The following ERCC1 variants were observed in gnomAD, a reference collection of about 807,000 sequenced individuals.
ERCC1 encodes DNA excision repair protein ERCC-1.
A neutral mutation model predicts 37.6 loss-of-function variants in ERCC1; 36 were observed. The ratio of observed to expected loss-of-function variants is 0.96; its 90% CI spans 0.73 to 1.26. The LOEUF (loss-of-function observed/expected upper bound fraction) is 1.26, where lower values mean the gene tolerates loss of function less well. ERCC1 is among the 50% of genes most tolerant of loss of function. The pLI, the probability that ERCC1 is intolerant of heterozygous loss-of-function variation, is 0.00. For missense variants in ERCC1, 349 were observed against 376.5 expected (o/e 0.93, Z 0.60); for synonymous variants, 156 against 162.1 (o/e 0.96, Z 0.28).
chr19:45,447,611 T>C (rs946654071), intron 1 of ERCC1, among the ~76,000 whole-genome samples: 1 of 152,010 alleles, frequency 6.6e-6, no homozygotes, highest in South Asian at 2.1e-4. Context: ...TCTGTTTTCT[T>C]TTCTTGTCTC....
intron 1 of ERCC1, among the ~76,000 whole-genome samples, chr19:45,441,088 C>T (rs1347392069): frequency 6.6e-6 from 1 of 152,194 alleles, no homozygotes; most frequent in Non-Finnish European, 1.5e-5. Context: ...TTGGACACAA[C>T]AGCTCCAGGC....
At chr19:45,426,204 C>A (rs1396834761), upstream of ERCC1, among the ~76,000 whole-genome samples, 1 of 151,930 alleles carries the variant, frequency 6.6e-6, no homozygotes, top group Non-Finnish European at 1.5e-5. Context: ...TATGGTGAAA[C>A]CCCGTCTTTA....
rs368905711 is a variant in ERCC1 at position 45,409,326 on chromosome 19, C to G, written c.*349G>C. 3 of 1,614,000 alleles carry G rather than the reference C, an allele frequency of 1.9e-6. No homozygotes were observed. The highest frequency in any genetic ancestry group is 2.5e-6 in the Non-Finnish European group (3 of 1,179,996). On this transcript the variant is annotated 3_prime_UTR_variant, in exon 10 of 10. Coordinates refer to ENST00000300853, the MANE Select transcript of ERCC1 (RefSeq NM_001983.4). ...CTGCCAGGGGAGGGACAGCCTGAAG[C>G]CAGGGCAACTCCGGGATCCACCAAG...
At chr19:45,432,528 A>G (rs1372638296) in intron 1 of ERCC1, among the ~76,000 whole-genome samples, 2 of 151,270 alleles carry the variant, frequency 1.3e-5, no homozygotes, top group Non-Finnish European at 1.5e-5. Flanking sequence ...ATCAACAAAA[A>G]CTCTTTGGGG....
intron 4 of ERCC1, among the ~76,000 whole-genome samples, chr19:45,419,736 C>G (rs1429913059): frequency 1.3e-5 from 2 of 152,166 alleles, no homozygotes; most frequent in Non-Finnish European, 2.9e-5. Flanking sequence ...AGTTGTTTAA[C>G]TAGGGTAGAG....
chr19:45,420,678 C>T lies in ERCC1; in HGVS notation c.322-251G>A, dbSNP rs1397717626. Among the ~76,000 whole-genome samples the T allele has an allele frequency of 6.6e-6, 1 of 152,162 alleles. No homozygotes were observed. Among genetic ancestry groups the T allele is most frequent in the Non-Finnish European group, 1.5e-5 (1 of 68,024 alleles). ...CTCCTCCCCTCCATGCCCACTGGCA[C>T]CAGGCCTTTCCTAAAGGGTCCCCGG... On this transcript the variant is annotated intron_variant, in intron 3 of 9. Transcript: ENST00000300853. The surrounding 1 kb of genome is among the most constrained non-coding windows in gnomAD (Gnocchi z 4.8).
rs769714704 is a variant in ERCC1, at chr19:45,414,862, C to A, written c.701G>T (p.Arg234Leu). The part of the protein sequence containing the change: ...MEKLEQDFVS[R>L]VTECLTTVKS... ...GGATGGGAGGTGAGGTGGCCTCACC[C>A]GGGAGACGAAGTCCTGCTCTAGCTT... The change falls in exon 7 of 10, where the codon CGG (arginine) becomes CTG (leucine). Residue 234 changes from arginine (R) to leucine (L), a missense_variant and splice_region_variant. Coordinates refer to ENST00000300853, the MANE Select transcript of ERCC1 (RefSeq NM_001983.4). 1 of 1,610,980 alleles carries A rather than the reference C, an allele frequency of 6.2e-7. No individual in the cohort carries two copies. The highest frequency in any genetic ancestry group is 1.1e-5 in the South Asian group (1 of 90,996).
chr19:45,434,951 A>ATT (rs113525299), intron 1 of ERCC1, among the ~76,000 whole-genome samples: 2 of 142,118 alleles, frequency 1.4e-5, no homozygotes, highest in African/African-American at 2.6e-5. Flanking sequence ...AATTTTTTGT[A>ATT]TTTTTTTTTT....
chr19:45,424,931 T>C (rs1052859722), upstream of ERCC1, among the ~76,000 whole-genome samples: 7 of 150,022 alleles, frequency 4.7e-5, no homozygotes, highest in African/African-American at 1.7e-4. Flanking sequence ...TCTTTTTTTT[T>C]TTTTTTTCGA....
Position 45,407,698 on chromosome 19 carries a change from C to T in ERCC1, c.*1977G>A, listed in dbSNP as rs934457740. ...GATGTGGTTATTTTCAGGCCATAAG[C>T]ATGAACCTTGTAAGTGCCTAGCTAC... On this transcript the variant is annotated 3_prime_UTR_variant, in exon 10 of 10. Coordinates refer to ENST00000300853, the MANE Select transcript of ERCC1 (RefSeq NM_001983.4). The T allele has an allele frequency of 2.0e-5, 5 of 250,286 alleles. No individual in the cohort carries two copies. Among genetic ancestry groups the T allele is most frequent in the Non-Finnish European group, 3.8e-5 (5 of 130,368 alleles). The allele number at this position is 250,286 out of a possible 1,614,324, so 15.5% of individuals were successfully genotyped here.
intron 1 of ERCC1, among the ~76,000 whole-genome samples, chr19:45,443,554 AG>A (rs1244681948): frequency 3.3e-5 from 5 of 152,104 alleles, no homozygotes; most frequent in Admixed American, 3.3e-4. Context: ...ATCCCGACCC[AG>A]GCGTCTCCCT....
At chr19:45,410,561 TTCTTTGTGTGTGTGTGTGTG>T (rs895882260) in intron 9 of ERCC1, 102 of 75,258 alleles carry the variant, frequency 1.4e-3, no homozygotes, top group African/African-American at 7.1e-3. Context: ...TATTCATTCT[TTCTTTGTGTGTGTGTGTGTG>T]TGTGTGTGTG....
intron 1 of ERCC1, among the ~76,000 whole-genome samples, chr19:45,436,243 G>A (rs946829786): frequency 6.6e-6 from 1 of 152,096 alleles, no homozygotes; most frequent in Non-Finnish European, 1.5e-5. Flanking sequence ...AAACTCTGCC[G>A]TTAGCGTGGA....
chr19:45,428,775 G>C (rs1440702087), upstream of ERCC1, among the ~76,000 whole-genome samples: 1 of 150,702 alleles, frequency 6.6e-6, no homozygotes, highest in African/African-American at 2.4e-5. Context: ...GACCAGGCTG[G>C]CGTCCCCGCC....
Position 45,429,612 on chromosome 19 carries a change from TGGACTCAG to T in ERCC1, c.-7-6239_-7-6232del, listed in dbSNP as rs143087854. ...CTGGGATGTTCTGGAGGCAAAGGAA[TGGACTCAG>T]GGACCCTGGGTAGTTGCCATTCCAG... On this transcript the variant is annotated intron_variant, in intron 1 of 8. Coordinates refer to the ERCC1 transcript ENST00000423698. Among the ~76,000 whole-genome samples the T allele has an allele frequency of 8.0e-3, 1,210 of 152,170 alleles. 16 individuals carry two copies. Among genetic ancestry groups the T allele is most frequent in the African/African-American group, 0.027 (1,129 of 41,506 alleles).
chr19:45,429,909 T>G (rs1348801988), intron 1 of ERCC1, among the ~76,000 whole-genome samples: 1 of 152,166 alleles, frequency 6.6e-6, no homozygotes, highest in Non-Finnish European at 1.5e-5. Context: ...CTCAGCCTCC[T>G]GAGTAGCTGG....
rs763070551 is a variant in ERCC1, at chr19:45,423,254, C to A, written c.105+16G>T. The A allele has an allele frequency of 6.2e-7, 1 of 1,609,788 alleles. No homozygotes were observed. Among genetic ancestry groups the A allele is most frequent in the South Asian group, 1.1e-5 (1 of 90,104 alleles). ...AGCCCCCAGCCTCCCAGGGGCCCCG[C>A]ATCTCCTTGTCCTACCACTCCAGGA... On this transcript the variant is annotated intron_variant, in intron 2 of 9. Coordinates refer to ENST00000300853, the MANE Select transcript of ERCC1 (RefSeq NM_001983.4).
Position 45,416,527 on chromosome 19 carries a change from C to T in ERCC1, c.602+294G>A, listed in dbSNP as rs547886015. ...ATTAGCTGGGCGTGGTGGTGCACACCTGTAATCCCAGCTACTTGGGAGGCT... is the reference window on the plus strand; with the variant it reads ...ATTAGCTGGGCGTGGTGGTGCACACTTGTAATCCCAGCTACTTGGGAGGCT... On this transcript the variant is annotated intron_variant, in intron 6 of 9. Transcript: ENST00000300853. 2.2e-4 allele frequency: 91 copies of T among 420,982 alleles called. No individual in the cohort carries two copies. The East Asian group carries it at 3.9e-3, about 18-fold the overall frequency. 26.1% of individuals were successfully genotyped at this position (420,982 alleles called of 1,614,324 possible).
chr19:45,410,148 G>C (rs1026468176), intron 9 of ERCC1: 1 of 154,662 alleles, frequency 6.5e-6, no homozygotes, highest in African/African-American at 2.4e-5. Flanking sequence ...CAGCCTCCCA[G>C]TGCTGGGATT....
Sources: allele counts gnomAD v4.1 joint callset (sites outside exome capture counted in the v4.1 genomes callset), GRCh38; gene constraint gnomAD v4.1.1; non-coding constraint Gnocchi (gnomAD v3.1); transcripts MANE v1.5; gene names NCBI Gene and HGNC (gene_info 2026-07-23, HGNC 2026-07-21).